The following CHRNA7 variants were observed in gnomAD, a reference collection of about 807,000 sequenced individuals.
CHRNA7 encodes cholinergic receptor nicotinic alpha 7 subunit.
Under a neutral mutation model 48.0 loss-of-function variants are expected in CHRNA7, and 17 were observed. The ratio of observed to expected loss-of-function variants is 0.35; its 90% confidence interval spans 0.24 to 0.53. CHRNA7 has a LOEUF of 0.53. Ranked by LOEUF, CHRNA7 falls within the 20% of genes least tolerant of loss-of-function variation. The pLI, the probability that CHRNA7 is intolerant of heterozygous loss-of-function variation, is 0.92. For missense variants in CHRNA7, 155 were observed against 577.7 expected (o/e 0.27, Z 7.50); for synonymous variants, 75 against 242.3 (o/e 0.31, Z 6.41).
At chr15:32,074,120 A>G (rs1325963947) in intron 2 of CHRNA7, among the ~76,000 whole-genome samples, 1 of 150,730 alleles carries the variant, frequency 6.6e-6, no homozygotes, top group African/African-American at 2.4e-5. Context: ...CCATATGCTC[A>G]TTGCTGGTGT....
At chr15:32,108,744 G>T (rs2050713885) in intron 3 of CHRNA7, among the ~76,000 whole-genome samples, 4 of 152,156 alleles carry the variant, frequency 2.6e-5, no homozygotes, top group African/African-American at 9.7e-5. Flanking sequence ...GTAAAATGGG[G>T]AAATCTCTCT....
intron 4 of CHRNA7, among the ~76,000 whole-genome samples, chr15:32,152,868 G>A (rs879356479): frequency 6.6e-6 from 1 of 152,100 alleles, no homozygotes; most frequent in Non-Finnish European, 1.5e-5. Context: ...TAAAAGACAA[G>A]GCTAGTACAG....
intron 2 of CHRNA7, among the ~76,000 whole-genome samples, chr15:32,097,867 G>T (rs4779565): frequency 0.37 from 56,286 of 152,098 alleles, 10,911 homozygotes; most frequent in South Asian, 0.49. Flanking sequence ...CATGGTTTCA[G>T]GCTCAAGTGC....
chr15:32,151,127 A>T (rs1052005260), intron 4 of CHRNA7, among the ~76,000 whole-genome samples: 1 of 151,294 alleles, frequency 6.6e-6, no homozygotes, highest in Admixed American at 6.6e-5. Flanking sequence ...CTTTTTTCCT[A>T]GAGTTTCTGG....
rs1250420241 is a variant in CHRNA7, at chr15:32,143,090, A to ATG, written c.351-10813_351-10812dup. ...AATTTCCCTCTACACACTACTTTGA[A>ATG]TGTGTCCCAGAGATTCTGGTACGTT... On this transcript the variant is annotated intron_variant, in intron 4 of 9. Coordinates refer to ENST00000306901, the MANE Select transcript of CHRNA7 (RefSeq NM_000746.6). Among the ~76,000 whole-genome samples, 9 of 152,250 alleles carry ATG rather than the reference A, an allele frequency of 5.9e-5. No individual in the cohort carries two copies. The South Asian group carries it at 1.9e-3, about 32-fold the overall frequency.
At chr15:32,091,790 A>G (rs754788713) in intron 2 of CHRNA7, among the ~76,000 whole-genome samples, 4 of 152,166 alleles carry the variant, frequency 2.6e-5, no homozygotes, top group Admixed American at 6.5e-5. Context: ...CAGCTCACGT[A>G]CTTACAATGT....
chr15:32,120,845 C>T (rs1050060327), intron 4 of CHRNA7, among the ~76,000 whole-genome samples: 13 of 152,094 alleles, frequency 8.5e-5, no homozygotes, highest in African/African-American at 2.9e-4. Flanking sequence ...AGAGCCAGCA[C>T]GGTTGTAAGG....
intron 4 of CHRNA7, among the ~76,000 whole-genome samples, chr15:32,126,090 C>T (rs8041763): frequency 0.054 from 8,251 of 151,962 alleles, 770 homozygotes; most frequent in African/African-American, 0.19. Context: ...TCTCATTTTC[C>T]CAGGGATGCA....
chr15:32,051,664 C>T (rs1251763807), intron 2 of CHRNA7, among the ~76,000 whole-genome samples: 6 of 152,176 alleles, frequency 3.9e-5, no homozygotes, highest in Non-Finnish European at 7.3e-5. Flanking sequence ...GACTGTGCTG[C>T]GCCCACTGTC....
intron 2 of CHRNA7, among the ~76,000 whole-genome samples, chr15:32,062,103 T>C (rs2049888900): frequency 6.6e-6 from 1 of 152,168 alleles, no homozygotes; most frequent in African/African-American, 2.4e-5. Context: ...TCTAACTCTT[T>C]TAGCTGTTTC....
At chr15:32,114,285 A>G (rs1163616353) in intron 4 of CHRNA7, among the ~76,000 whole-genome samples, 1 of 151,950 alleles carries the variant, frequency 6.6e-6, no homozygotes, top group Non-Finnish European at 1.5e-5. Context: ...GATGATTCCA[A>G]ATGCTCTGGC....
At position 32,113,125 on chromosome 15, in the gene CHRNA7, T is replaced by C. The variant is rs114358518; in HGVS notation, c.350+1226T>C. On this transcript the variant is annotated intron_variant, in intron 4 of 9. Transcript: ENST00000306901. ...GCTACAGACTCAGAGCCTTAAACAA[T>C]AGAAGTTACCCTGTCACAATTGTGG... is the stretch of plus-strand genomic sequence containing the variant. Among the ~76,000 whole-genome samples the C allele has an allele frequency of 2.8e-3, 431 of 152,262 alleles. 4 individuals carry two copies. Among genetic ancestry groups the C allele is most frequent in the African/African-American group, 0.01 (419 of 41,546 alleles).
intron 4 of CHRNA7, among the ~76,000 whole-genome samples, chr15:32,138,726 C>CTGTTTTGTTTTGTTTTGTTTTGTTT (rs1212817087): frequency 4.1e-5 from 3 of 73,454 alleles, no homozygotes; most frequent in Admixed American, 2.9e-4. Flanking sequence ...AGCCATTGAC[C>CTGTTTTGTTTTGTTTTGTTTTGTTT]TGTTATGTTT....
In CHRNA7 at chr15:32,093,901, G is replaced by T. The variant is rs545823091; in HGVS notation, c.196-7402G>T. On this transcript the variant is annotated intron_variant, in intron 2 of 9. Transcript: ENST00000306901. The stretch of plus-strand genomic sequence containing the variant: ...CTCGAACTGTGCAGGATTAACTTTG[G>T]TAGTTAAAAATAGAATCAAAGAGTT... Among the ~76,000 whole-genome samples the T allele has an allele frequency of 7.9e-5, 12 of 152,264 alleles. No homozygotes were observed. The South Asian group carries it at 2.5e-3, about 32-fold the overall frequency.
chr15:32,094,977 C>A (rs2050443308), intron 2 of CHRNA7, among the ~76,000 whole-genome samples: 1 of 152,248 alleles, frequency 6.6e-6, no homozygotes, highest in South Asian at 2.1e-4. Flanking sequence ...GCTACCTATT[C>A]AGTCCTTGCA....
intron 2 of CHRNA7, among the ~76,000 whole-genome samples, chr15:32,089,417 G>A (rs190629901): frequency 4.0e-5 from 6 of 151,856 alleles, no homozygotes; most frequent in Non-Finnish European, 4.4e-5. Context: ...GCCATCAAAC[G>A]CTTTCTTTCT....
chr15:32,076,388 C>T (rs2050136519), intron 2 of CHRNA7, among the ~76,000 whole-genome samples: 1 of 152,096 alleles, frequency 6.6e-6, no homozygotes, highest in African/African-American at 2.4e-5. Context: ...GGCAGATTGG[C>T]CTGTTTATCG....
chr15:32,048,808 G>C (rs941796870), intron 2 of CHRNA7, among the ~76,000 whole-genome samples: 1 of 151,836 alleles, frequency 6.6e-6, no homozygotes, highest in African/African-American at 2.4e-5. Context: ...TGGGCATTTA[G>C]TGCTATAAAT....
intron 3 of CHRNA7, among the ~76,000 whole-genome samples, chr15:32,108,035 T>A (rs1042527631): frequency 1.7e-4 from 26 of 152,218 alleles, no homozygotes; most frequent in East Asian, 7.7e-4. Flanking sequence ...TGTATTTTTT[T>A]AATGAAAGAT....
Sources: allele counts gnomAD v4.1 joint callset (sites outside exome capture counted in the v4.1 genomes callset), GRCh38; gene constraint gnomAD v4.1.1; transcripts MANE v1.5; gene names NCBI Gene and HGNC (gene_info 2026-07-23, HGNC 2026-07-21).